The following ADAMTS12 variants were observed in gnomAD, a reference collection of about 807,000 sequenced individuals.
The protein encoded by ADAMTS12 is A disintegrin and metalloproteinase with thrombospondin motifs 12.
Under a neutral mutation model 167.8 loss-of-function variants are expected in ADAMTS12, and 118 were observed. The ratio of observed to expected loss-of-function variants is 0.70; its 90% CI spans 0.61 to 0.82. The LOEUF is 0.82. Among genes scored for constraint, ADAMTS12 ranks in the 40% least tolerant of loss-of-function variants. The pLI is 0.00. For missense variants in ADAMTS12, 1,916 were observed against 1,998.8 expected (o/e 0.96, Z 0.79); for synonymous variants, 704 against 716.9 (o/e 0.98, Z 0.29).
At chr5:33,567,953 T>C (rs1271685914) in intron 19 of ADAMTS12, among the ~76,000 whole-genome samples, 1 of 152,158 alleles carries the variant, frequency 6.6e-6, no homozygotes, top group Non-Finnish European at 1.5e-5. Context: ...CACAGGTATG[T>C]ACGATTCTGG....
intron 17 of ADAMTS12, 65 bp downstream of exon 17, chr5:33,595,869 G>C: frequency 6.3e-7 from 1 of 1,592,160 alleles, no homozygotes; most frequent in South Asian, 1.1e-5. Flanking sequence ...CAAGCACTAG[G>C]TCACTCTTGA....
At chr5:33,720,221 A>G (rs1393783233) in intron 3 of ADAMTS12, among the ~76,000 whole-genome samples, 5 of 151,704 alleles carry the variant, frequency 3.3e-5, no homozygotes, top group Non-Finnish European at 7.4e-5. Context: ...TTTGGCATCA[A>G]TGTATTAAGT....
intron 2 of ADAMTS12, among the ~76,000 whole-genome samples, chr5:33,879,217 C>G (rs1750338651): frequency 6.6e-6 from 1 of 152,012 alleles, no homozygotes; most frequent in Admixed American, 6.6e-5. Flanking sequence ...GACATTTTTG[C>G]CCATTCCCCC....
intron 2 of ADAMTS12, among the ~76,000 whole-genome samples, chr5:33,770,026 GA>G: frequency 6.6e-6 from 1 of 152,028 alleles, no homozygotes; most frequent in African/African-American, 2.4e-5. Context: ...ATTTTCTTTT[GA>G]AAAATATCAT....
At chr5:33,683,726 G>C (rs1236917458) in intron 4 of ADAMTS12, 133 bp downstream of exon 4, 1 of 507,694 alleles carries the variant, frequency 2.0e-6, no homozygotes, top group African/African-American at 2.0e-5. Context: ...CCTTAGGCAG[G>C]TACTAGATTC....
chr5:33,820,159 T>C (rs1054726712), intron 2 of ADAMTS12, among the ~76,000 whole-genome samples: 6 of 152,330 alleles, frequency 3.9e-5, no homozygotes, highest in Admixed American at 3.9e-4. Context: ...CAAATGTTCC[T>C]TCAAATTCTA....
At chr5:33,800,632 A>ATT (rs11325243) in intron 2 of ADAMTS12, among the ~76,000 whole-genome samples, 3 of 151,310 alleles carry the variant, frequency 2.0e-5, no homozygotes, top group African/African-American at 7.3e-5. Flanking sequence ...ATTCAAAAGT[A>ATT]TTTTTTTTTT....
intron 22 of ADAMTS12, among the ~76,000 whole-genome samples, chr5:33,537,231 TTGA>T (rs1480145398): frequency 2.6e-5 from 4 of 152,332 alleles, no homozygotes; most frequent in African/African-American, 9.6e-5. Flanking sequence ...ATCAATCAAC[TTGA>T]TGGAATATTA....
At chr5:33,749,698 GAAC>G (rs1744909887) in intron 3 of ADAMTS12, among the ~76,000 whole-genome samples, 1 of 152,146 alleles carries the variant, frequency 6.6e-6, no homozygotes, top group Admixed American at 6.5e-5. Context: ...CGGCCTAGAA[GAAC>G]AACATTAAAT....
At chr5:33,815,521 C>T (rs1747619000) in intron 2 of ADAMTS12, among the ~76,000 whole-genome samples, 1 of 152,198 alleles carries the variant, frequency 6.6e-6, no homozygotes, top group South Asian at 2.1e-4. Flanking sequence ...AGACTTCTAG[C>T]CTTCAGAACT....
chr5:33,800,571 C>T (rs1249041326), intron 2 of ADAMTS12, among the ~76,000 whole-genome samples: 1 of 152,166 alleles, frequency 6.6e-6, no homozygotes, highest in African/African-American at 2.4e-5. Context: ...AAATAAACAA[C>T]CTGAGTGGTT....
At chr5:33,592,934 A>G (rs1484970831) in intron 17 of ADAMTS12, among the ~76,000 whole-genome samples, 4 of 152,230 alleles carry the variant, frequency 2.6e-5, no homozygotes, top group African/African-American at 7.2e-5. Context: ...AAACTAGTGA[A>G]CTAATCTTGC....
intron 5 of ADAMTS12, among the ~76,000 whole-genome samples, chr5:33,680,709 A>G (rs147061039): frequency 2.1e-4 from 32 of 152,336 alleles, no homozygotes; most frequent in African/African-American, 7.7e-4. Flanking sequence ...TAGTGAGGAG[A>G]CAGGCAAGAT....
At chr5:33,671,972 CACAT>C (rs1454610715) in intron 5 of ADAMTS12, among the ~76,000 whole-genome samples, 3 of 143,250 alleles carry the variant, frequency 2.1e-5, no homozygotes, top group African/African-American at 7.9e-5. Context: ...ACATCAAACT[CACAT>C]ACTCACATAC....
chr5:33,819,002 T>C (rs943709902), intron 2 of ADAMTS12, among the ~76,000 whole-genome samples: 3 of 152,146 alleles, frequency 2.0e-5, no homozygotes, highest in South Asian at 4.1e-4. Context: ...TTATCAGTTA[T>C]ATAGTTTACA....
intron 20 of ADAMTS12, among the ~76,000 whole-genome samples, chr5:33,560,707 G>A (rs1256348888): frequency 6.8e-6 from 1 of 147,078 alleles, no homozygotes. Context: ...ACTCATAGGT[G>A]GGAATTAAAC....
chr5:33,873,251 G>A lies in ADAMTS12; in HGVS notation c.489+7868C>T, dbSNP rs373875248. Reference sequence around the variant, plus strand: ...GAAGGACACAAGGTTAATAAAGTGAGTTGTTTTACTATATACCAGCAATGA... The same window carrying A: ...GAAGGACACAAGGTTAATAAAGTGAATTGTTTTACTATATACCAGCAATGA... On this transcript the variant is annotated intron_variant, in intron 2 of 23. Transcript: ENST00000504830. Among the ~76,000 whole-genome samples the A allele has an allele frequency of 2.7e-4, 41 of 150,642 alleles. No individual in the cohort carries two copies. In the East Asian group the frequency reaches 6.2e-3, roughly 23 times the overall value.
chr5:33,565,674 G>GTTTTTTTTTTT (rs4049324), intron 19 of ADAMTS12, among the ~76,000 whole-genome samples: 2 of 126,308 alleles, frequency 1.6e-5, no homozygotes. Flanking sequence ...TTTTTTGTTT[G>GTTTTTTTTTTT]TTTTTTTTTT....
At chr5:33,791,239 C>A (rs77348377) in intron 2 of ADAMTS12, among the ~76,000 whole-genome samples, 3 of 152,110 alleles carry the variant, frequency 2.0e-5, no homozygotes, top group African/African-American at 7.2e-5. Context: ...ATATAAAAGT[C>A]TCCAATGAAA....
Sources: gnomAD v4.1 joint callset for allele counts (sites outside exome capture counted in the v4.1 genomes callset) on GRCh38, gnomAD v4.1.1 for gene constraint, MANE v1.5 for transcripts, NCBI Gene and HGNC (gene_info 2026-07-23, HGNC 2026-07-21) for gene names.